Variants in BLTP3A observed in about 807,000 individuals in gnomAD.
BLTP3A encodes bridge-like lipid transfer protein family member 3A.
At chr6:34,867,416 C>G in the BLTP3A span, 1 of 1,613,478 alleles carries the variant, frequency 6.2e-7, no homozygotes, top group Non-Finnish European at 8.5e-7. Flanking sequence ...AGAGGGTAGG[C>G]TCTGGGCTGA....
chr6:34,795,471 C>T, the BLTP3A span, among the ~76,000 whole-genome samples: 1 of 151,388 alleles, frequency 6.6e-6, no homozygotes, highest in Non-Finnish European at 1.5e-5. Flanking sequence ...GATCTCGGCT[C>T]ACTGCAACCT....
the BLTP3A span, among the ~76,000 whole-genome samples, chr6:34,862,461 G>C: frequency 6.6e-6 from 1 of 152,136 alleles, no homozygotes; most frequent in Non-Finnish European, 1.5e-5. Context: ...TAAAGTTGTT[G>C]ATGCATTTGC....
the BLTP3A span, among the ~76,000 whole-genome samples, chr6:34,794,860 C>G: frequency 6.6e-6 from 1 of 151,808 alleles, no homozygotes; most frequent in African/African-American, 2.4e-5. Context: ...TCTCGGCTCA[C>G]TGCAACCTCC....
the BLTP3A span, among the ~76,000 whole-genome samples, chr6:34,824,807 A>G: frequency 2.6e-5 from 4 of 151,766 alleles, no homozygotes; most frequent in Admixed American, 2.0e-4. Context: ...AGTAGCTGGA[A>G]TTACAGGTGC....
At chr6:34,866,448 A>G in the BLTP3A span, among the ~76,000 whole-genome samples, 1 of 152,134 alleles carries the variant, frequency 6.6e-6, no homozygotes, top group East Asian at 1.9e-4. Context: ...TTTTTGTTTC[A>G]TAAACACTAC....
chr6:34,850,647 C>T, the BLTP3A span, among the ~76,000 whole-genome samples: 1 of 152,138 alleles, frequency 6.6e-6, no homozygotes, highest in Non-Finnish European at 1.5e-5. Context: ...GCTTTTGAGA[C>T]TCTGATGCAT....
At chr6:34,851,275 C>T in the BLTP3A span, among the ~76,000 whole-genome samples, 1 of 152,010 alleles carries the variant, frequency 6.6e-6, no homozygotes. Flanking sequence ...TGTGTTTACC[C>T]GTTCTTGTGA....
At chr6:34,826,354 CT>C in the BLTP3A span, among the ~76,000 whole-genome samples, 45 of 150,100 alleles carry the variant, frequency 3.0e-4, no homozygotes, top group Admixed American at 3.0e-3. Flanking sequence ...GTTTTACATC[CT>C]ACTTTTTTTT....
the BLTP3A span, among the ~76,000 whole-genome samples, chr6:34,829,835 C>T: frequency 1.1e-4 from 17 of 151,572 alleles, no homozygotes; most frequent in South Asian, 1.7e-3. Flanking sequence ...ACAAGAGTCT[C>T]GCTATGTCAC....
At chr6:34,842,008 A>T in the BLTP3A span, among the ~76,000 whole-genome samples, 6 of 152,276 alleles carry the variant, frequency 3.9e-5, no homozygotes, top group South Asian at 1.2e-3. Context: ...ATTTATATAC[A>T]CTATTTACCA....
At chr6:34,860,257 AG>A in the BLTP3A span, among the ~76,000 whole-genome samples, 1 of 152,178 alleles carries the variant, frequency 6.6e-6, no homozygotes, top group Non-Finnish European at 1.5e-5. Context: ...CTCTGTGTTA[AG>A]CGCCAGAGAT....
the BLTP3A span, among the ~76,000 whole-genome samples, chr6:34,825,483 A>G: frequency 2.6e-5 from 4 of 152,026 alleles, no homozygotes; most frequent in Admixed American, 6.5e-5. Flanking sequence ...AATTTTTTGC[A>G]TTTAGTAGAG....
chr6:34,812,879 G>A, the BLTP3A span, among the ~76,000 whole-genome samples: 1 of 152,198 alleles, frequency 6.6e-6, no homozygotes, highest in South Asian at 2.1e-4. Context: ...TTGTTTGGAT[G>A]ATGGAGAGAA....
the BLTP3A span, among the ~76,000 whole-genome samples, chr6:34,825,827 T>C: frequency 2.0e-5 from 3 of 152,166 alleles, no homozygotes; most frequent in Non-Finnish European, 2.9e-5. Flanking sequence ...TAGTTGATGG[T>C]CATTTTATTT....
the BLTP3A span, chr6:34,859,183 G>A: frequency 6.2e-7 from 1 of 1,614,158 alleles, no homozygotes; most frequent in Non-Finnish European, 8.5e-7. Flanking sequence ...AAATCAGGAT[G>A]TATCCCAGGA....
chr6:34,812,196 C>T, the BLTP3A span, among the ~76,000 whole-genome samples: 6 of 151,198 alleles, frequency 4.0e-5, no homozygotes, highest in Middle Eastern at 3.4e-3. Flanking sequence ...GGCATGGTGG[C>T]GGGTGCCTGT....
the BLTP3A span, chr6:34,858,849 C>A: frequency 1.9e-6 from 3 of 1,614,182 alleles, no homozygotes; most frequent in South Asian, 2.2e-5. Context: ...TGAGGCTTGA[C>A]CACTACCAGT....
the BLTP3A span, chr6:34,864,270 G>A: frequency 1.4e-6 from 2 of 1,434,738 alleles, no homozygotes; most frequent in Non-Finnish European, 1.9e-6. Flanking sequence ...GTATCAGACT[G>A]GCAGGGCTAA....
the BLTP3A span, among the ~76,000 whole-genome samples, chr6:34,852,533 C>T: frequency 7.7e-6 from 1 of 129,186 alleles, no homozygotes; most frequent in Non-Finnish European, 1.6e-5. Context: ...CTGTATTCGC[C>T]CCTCTCCTCT....
Sources: allele counts gnomAD v4.1 joint callset (sites outside exome capture counted in the v4.1 genomes callset), GRCh38; gene constraint gnomAD v4.1.1; transcripts MANE v1.5; gene names NCBI Gene and HGNC (gene_info 2026-07-23, HGNC 2026-07-21).